Variants in FAM168B observed in about 807,000 individuals in gnomAD.
FAM168B encodes family with sequence similarity 168 member B.
In FAM168B, 19 loss-of-function variants were observed where a neutral mutation model predicts 21.8. The ratio of observed to expected loss-of-function variants is 0.87; its 90% CI spans 0.61 to 1.28. FAM168B has a LOEUF of 1.28. FAM168B is among the 50% of genes most tolerant of loss of function. The probability of loss-of-function intolerance (pLI) is 0.00; values close to 1 mark genes in which losing one functional copy is unlikely to be tolerated. For missense variants in FAM168B, 233 were observed against 263.1 expected, an observed-to-expected ratio of 0.89 and a Z score of 0.79; for synonymous variants, 126 against 104.8, an observed-to-expected ratio of 1.20 and a Z score of -1.24.
Position 131,052,003 on chromosome 2 carries a change from G to C in FAM168B, c.*462C>G. Reference sequence around the variant, plus strand: ...TAAGATATTTCAGATGCTCTATGAAGAAATTCACTTTAACACTTATAACTG... The same window carrying C: ...TAAGATATTTCAGATGCTCTATGAACAAATTCACTTTAACACTTATAACTG... On this transcript the variant is annotated 3_prime_UTR_variant, in exon 7 of 7. Transcript: ENST00000389915. 1.0e-6 allele frequency: 1 copy of C among 985,632 alleles called. No homozygotes were observed. The highest frequency in any genetic ancestry group is 1.2e-6 in the Non-Finnish European group (1 of 829,926). 61.1% of individuals were successfully genotyped at this position (985,632 alleles called of 1,614,324 possible).
At chr2:131,065,590 G>GACC (rs1692510165) in intron 3 of FAM168B, among the ~76,000 whole-genome samples, 1 of 152,030 alleles carries the variant, frequency 6.6e-6, no homozygotes, top group African/African-American at 2.4e-5. Flanking sequence ...AGGAGTTCAA[G>GACC]ACCAGCCTGA....
rs776155044 is a variant in FAM168B at position 131,082,661 on chromosome 2, A to G, written c.-11-4T>C. 3.2e-6 allele frequency: 5 copies of G among 1,581,626 alleles called. No individual in the cohort carries two copies. Among genetic ancestry groups the G allele is most frequent in the Admixed American group, 1.9e-5 (1 of 53,004 alleles). ...ACAGGATTCATGATTTCAAAAACTA[A>G]AAGAAAAAAAAGGGAATTTAGCCAA... On this transcript the variant is annotated splice_region_variant and splice_polypyrimidine_tract_variant and intron_variant, in intron 1 of 6. Transcript: ENST00000389915.
Position 131,049,140 on chromosome 2 carries a change from G to T in FAM168B, c.*3325C>A, listed in dbSNP as rs747822176. 33 of 985,276 alleles carry T rather than the reference G, an allele frequency of 3.3e-5. No individual in the cohort carries two copies. The highest frequency in any genetic ancestry group is 4.7e-5 in the South Asian group (1 of 21,286). 61.0% of individuals were successfully genotyped at this position (985,276 alleles called of 1,614,324 possible). A position where few individuals can be genotyped will look rare whatever the true frequency, so the allele number is the denominator to read the frequency against. On this transcript the variant is annotated 3_prime_UTR_variant, in exon 7 of 7. Coordinates refer to ENST00000389915, the MANE Select transcript of FAM168B (RefSeq NM_001009993.4). ...CAACACTGACAGGTATTAGTACGTC[G>T]CAAGTTGCTGTAATAATGTATTTCC... is the stretch of plus-strand genomic sequence containing the variant.
At chr2:131,080,921 C>T (rs1445202744) in intron 2 of FAM168B, among the ~76,000 whole-genome samples, 3 of 151,958 alleles carry the variant, frequency 2.0e-5, no homozygotes, top group Non-Finnish European at 2.9e-5. Flanking sequence ...CTGCCTGCCT[C>T]GGCCTCCCAA....
intron 2 of FAM168B, among the ~76,000 whole-genome samples, chr2:131,074,183 C>G (rs2105533927): frequency 6.6e-6 from 1 of 152,242 alleles, no homozygotes; most frequent in South Asian, 2.1e-4. Flanking sequence ...GGCTGGAGTG[C>G]AATGGCGTGA....
chr2:131,068,568 G>A (rs1273262248), intron 3 of FAM168B, among the ~76,000 whole-genome samples: 10 of 152,196 alleles, frequency 6.6e-5, no homozygotes, highest in Non-Finnish European at 1.5e-5. Flanking sequence ...GCACCCGTCA[G>A]CAGATGCCCC....
At chr2:131,074,216 C>T (rs1490859919) in intron 2 of FAM168B, among the ~76,000 whole-genome samples, 1 of 152,124 alleles carries the variant, frequency 6.6e-6, no homozygotes, top group Admixed American at 6.5e-5. Context: ...GCAACCTCTA[C>T]CTCCCTGGTT....
At chr2:131,077,888 G>A (rs962826885) in intron 2 of FAM168B, among the ~76,000 whole-genome samples, 2 of 152,198 alleles carry the variant, frequency 1.3e-5, no homozygotes, top group Non-Finnish European at 2.9e-5. Flanking sequence ...ACAAAGATCA[G>A]GGTACGGATC....
chr2:131,060,888 G>C (rs939904256), intron 3 of FAM168B, among the ~76,000 whole-genome samples: 4 of 151,818 alleles, frequency 2.6e-5, no homozygotes, highest in Non-Finnish European at 5.9e-5. Flanking sequence ...GTCTCGCTCA[G>C]TTGCCTAGGC....
In FAM168B at chr2:131,086,063, G is replaced by T. The variant is rs559679995; in HGVS notation, c.-11-3406C>A. ...TAGCAGGTAGGCAGGAGAATCAATT[G>T]TGTGTCTTACCCTACAGTTTAGGAA... On this transcript the variant is annotated intron_variant, in intron 1 of 6. Coordinates refer to ENST00000389915, the MANE Select transcript of FAM168B (RefSeq NM_001009993.4). Among the ~76,000 whole-genome samples the T allele has an allele frequency of 5.3e-5, 8 of 152,256 alleles. No homozygotes were observed. In the East Asian group the frequency reaches 1.5e-3, roughly 29 times the overall value.
chr2:131,092,679 C>T (rs1694093497), intron 1 of FAM168B, among the ~76,000 whole-genome samples: 4 of 152,292 alleles, frequency 2.6e-5, no homozygotes, highest in African/African-American at 9.6e-5. Context: ...TAAAGGCGCA[C>T]TGCACTCTTT....
chr2:131,057,018 G>C (rs1306962677), intron 3 of FAM168B, among the ~76,000 whole-genome samples: 1 of 152,090 alleles, frequency 6.6e-6, no homozygotes, highest in Non-Finnish European at 1.5e-5. Flanking sequence ...ACACTGAGAA[G>C]GATTAACTTA....
intron 3 of FAM168B, among the ~76,000 whole-genome samples, chr2:131,070,748 T>C (rs1200520102): frequency 1.3e-5 from 2 of 152,136 alleles, no homozygotes; most frequent in African/African-American, 2.4e-5. Context: ...ACTGCTAATA[T>C]ACACTACGAG....
At position 131,052,948 on chromosome 2, in the gene FAM168B, C is replaced by A. The variant is rs1691774206; in HGVS notation, c.543G>T (p.Arg181=). 12 of 1,563,638 alleles carry A rather than the reference C, an allele frequency of 7.7e-6. No homozygotes were observed. The highest frequency in any genetic ancestry group is 1.0e-5 in the Non-Finnish European group (12 of 1,153,338). The change falls in exon 6 of 7, where the codon CGG becomes CGT. Residue 181 remains arginine, a synonymous_variant. Transcript: ENST00000389915. ...APHPVTVPTY[R]APGTPTYSYV... ...AGCTGTAAGTGGGCGTTCCTGGGGC[C>A]CGGTACGTGGGCACAGTGACCGGGT...
rs1694131360 is a variant in FAM168B, at chr2:131,093,233, GGGCCTCAGT to G, written c.-40_-32del. ...ACTCACCGCGCCGCGGCGGCGACCT[GGGCCTCAGT>G]GACCAGCGCACGCCGGCCCGCGGCG... On this transcript the variant is annotated 5_prime_UTR_variant, in exon 1 of 7. Transcript: ENST00000389915. The G allele has an allele frequency of 6.6e-6, 1 of 150,474 alleles. No homozygotes were observed. Among genetic ancestry groups the G allele is most frequent in the Non-Finnish European group, 1.5e-5 (1 of 67,446 alleles). The allele number at this position is 150,474 out of a possible 1,614,324, so 9.3% of individuals were successfully genotyped here.
chr2:131,059,636 A>T (rs1378729266), intron 3 of FAM168B, among the ~76,000 whole-genome samples: 1 of 152,240 alleles, frequency 6.6e-6, no homozygotes, highest in Non-Finnish European at 1.5e-5. Flanking sequence ...TCACATCCTG[A>T]GAACAGATGC....
At position 131,050,943 on chromosome 2, in the gene FAM168B, T is replaced by C. The variant is rs1691631308; in HGVS notation, c.*1522A>G. On this transcript the variant is annotated 3_prime_UTR_variant, in exon 7 of 7. Transcript: ENST00000389915. ...CCCCCACCCCCACTCTGACCCTCACTGAGAACCGACATGCACTCTCATGGA... is the reference window on the plus strand; with the variant it reads ...CCCCCACCCCCACTCTGACCCTCACCGAGAACCGACATGCACTCTCATGGA... 3.0e-6 allele frequency: 3 copies of C among 985,480 alleles called. No homozygotes were observed. Among genetic ancestry groups the C allele is most frequent in the Non-Finnish European group, 3.6e-6 (3 of 830,098 alleles). 61.0% of individuals were successfully genotyped at this position (985,480 alleles called of 1,614,324 possible). A position where few individuals can be genotyped will look rare whatever the true frequency, so the allele number is the denominator to read the frequency against.
chr2:131,078,390 T>A (rs538146062), intron 2 of FAM168B, among the ~76,000 whole-genome samples: 2 of 151,968 alleles, frequency 1.3e-5, no homozygotes, highest in African/African-American at 4.8e-5. Flanking sequence ...TTAAAGCTCA[T>A]GGAGAAAAAA....
chr2:131,054,515 C>T (rs1413703472), intron 5 of FAM168B, among the ~76,000 whole-genome samples: 1 of 152,166 alleles, frequency 6.6e-6, no homozygotes, highest in African/African-American at 2.4e-5. Flanking sequence ...CATAATAACC[C>T]GGAATGCTTT....
Sources: gnomAD v4.1 joint callset for allele counts (sites outside exome capture counted in the v4.1 genomes callset) on GRCh38, gnomAD v4.1.1 for gene constraint, MANE v1.5 for transcripts, NCBI Gene and HGNC (gene_info 2026-07-23, HGNC 2026-07-21) for gene names.